RBFOX1: variants seen among roughly 807,000 people sequenced by gnomAD.
The protein encoded by RBFOX1 is RNA binding fox-1 homolog 1, also known as RNA binding protein fox-1 homolog 1.
A neutral mutation model predicts 57.7 loss-of-function variants in RBFOX1; 8 were observed. The observed-to-expected ratio is 0.14, with a 90% confidence interval of 0.08 to 0.25. RBFOX1 has a LOEUF of 0.25. Ranked by LOEUF, RBFOX1 falls within the 10% of genes least tolerant of loss-of-function variation. The probability of loss-of-function intolerance (pLI) is 1.00; values close to 1 mark genes in which losing one functional copy is unlikely to be tolerated. For missense variants in RBFOX1, 611 were observed against 548.5 expected (o/e 1.11, Z -1.14); for synonymous variants, 326 against 222.4 (o/e 1.47, Z -4.15).
intron 3 of RBFOX1, among the ~76,000 whole-genome samples, chr16:6,713,292 G>T (rs1213602598): frequency 6.6e-6 from 1 of 151,666 alleles, no homozygotes; most frequent in African/African-American, 2.4e-5. Context: ...AATAATAACA[G>T]TCCCCCATTG....
chr16:5,453,181 G>T (rs1004128688), intron 1 of RBFOX1, among the ~76,000 whole-genome samples: 3 of 151,986 alleles, frequency 2.0e-5, no homozygotes, highest in African/African-American at 7.3e-5. Flanking sequence ...CTCCTACTGT[G>T]TCCCAGCACT....
chr16:7,137,110 A>G (rs1265021833), intron 4 of RBFOX1, among the ~76,000 whole-genome samples: 2 of 152,226 alleles, frequency 1.3e-5, no homozygotes, highest in Non-Finnish European at 2.9e-5. Flanking sequence ...GAAGTTAGAT[A>G]GTCTAAAATA....
chr16:6,926,814 TTCTG>T (rs1388773005), intron 3 of RBFOX1, among the ~76,000 whole-genome samples: 2 of 152,190 alleles, frequency 1.3e-5, no homozygotes, highest in Non-Finnish European at 2.9e-5. Context: ...GTTTTGATCT[TTCTG>T]TCCCGTGCAG....
At chr16:6,466,783 AG>A (rs1447294638) in intron 2 of RBFOX1, among the ~76,000 whole-genome samples, 1 of 152,198 alleles carries the variant, frequency 6.6e-6, no homozygotes, top group Admixed American at 6.5e-5. Flanking sequence ...ATTAATAGTC[AG>A]AATCTGGTAG....
intron 1 of RBFOX1, among the ~76,000 whole-genome samples, chr16:5,462,693 C>T (rs1032125173): frequency 6.6e-6 from 1 of 152,156 alleles, no homozygotes; most frequent in African/African-American, 2.4e-5. Context: ...GAATTCTACG[C>T]ACCTGTTAGG....
At chr16:5,256,388 A>G (rs578173608) in intron 1 of RBFOX1, among the ~76,000 whole-genome samples, 31 of 152,278 alleles carry the variant, frequency 2.0e-4, no homozygotes, top group African/African-American at 6.7e-4. Flanking sequence ...GACAATGACC[A>G]TGACCTTCAC....
At chr16:7,354,612 A>T (rs1020334108) in intron 4 of RBFOX1, among the ~76,000 whole-genome samples, 3 of 152,196 alleles carry the variant, frequency 2.0e-5, no homozygotes, top group Non-Finnish European at 4.4e-5. Context: ...TTTAAGCACT[A>T]TTACCGTGCC....
chr16:5,722,669 C>T (rs1036293558), intron 3 of RBFOX1, among the ~76,000 whole-genome samples: 3 of 152,288 alleles, frequency 2.0e-5, no homozygotes, highest in Non-Finnish European at 2.9e-5. Context: ...GGTGGTTTCA[C>T]CTTGGTTGAG....
chr16:6,818,074 G>T (rs1218445599), intron 3 of RBFOX1, among the ~76,000 whole-genome samples: 1 of 152,152 alleles, frequency 6.6e-6, no homozygotes, highest in African/African-American at 2.4e-5. Context: ...TATCTTAGAT[G>T]TCATGATGTA....
intron 1 of RBFOX1, among the ~76,000 whole-genome samples, chr16:6,023,279 A>G (rs1341001525): frequency 1.3e-5 from 2 of 151,664 alleles, no homozygotes; most frequent in Non-Finnish European, 2.9e-5. Context: ...ATATATATAT[A>G]TATATATAGA....
intron 2 of RBFOX1, among the ~76,000 whole-genome samples, chr16:6,593,795 CAT>C (rs1383362839): frequency 6.6e-6 from 1 of 152,100 alleles, no homozygotes; most frequent in African/African-American, 2.4e-5. Context: ...GTGGCATTAG[CAT>C]ATGTCAGATT....
intron 4 of RBFOX1, among the ~76,000 whole-genome samples, chr16:7,124,668 G>A (rs917451358): frequency 6.0e-5 from 9 of 149,204 alleles, no homozygotes; most frequent in East Asian, 4.0e-4. Flanking sequence ...ACCTAAAAAC[G>A]TGAACCTCAC....
intron 2 of RBFOX1, among the ~76,000 whole-genome samples, chr16:6,439,582 C>G (rs2094323413): frequency 6.6e-6 from 1 of 152,178 alleles, no homozygotes; most frequent in Admixed American, 6.5e-5. Flanking sequence ...GACTGGAGTT[C>G]AGTGCAATAT....
intron 4 of RBFOX1, 32 bp downstream of exon 4, chr16:7,052,130 A>T (rs1322782254): frequency 1.3e-6 from 2 of 1,585,724 alleles, no homozygotes; most frequent in Admixed American, 1.9e-5. Flanking sequence ...ATGCTTCCTG[A>T]TTCTCATTTT....
intron 11 of RBFOX1, among the ~76,000 whole-genome samples, chr16:7,647,309 T>C (rs2063940178): frequency 6.6e-6 from 1 of 152,178 alleles, no homozygotes; most frequent in South Asian, 2.1e-4. Flanking sequence ...AGAAATTCAT[T>C]TTTAGCTTAT....
chr16:5,958,372 T>A (rs1203333349), intron 4 of RBFOX1, among the ~76,000 whole-genome samples: 3 of 152,234 alleles, frequency 2.0e-5, no homozygotes, highest in Admixed American at 2.0e-4. Context: ...CAGTGTTGTC[T>A]GTGCTCTTGC....
chr16:6,945,275 G>A (rs909744731), intron 3 of RBFOX1, among the ~76,000 whole-genome samples: 5 of 152,050 alleles, frequency 3.3e-5, no homozygotes, highest in African/African-American at 9.7e-5. Context: ...CTCTGTTAGC[G>A]TGTTATGATG....
At chr16:6,661,316 C>G (rs182840405) in intron 3 of RBFOX1, among the ~76,000 whole-genome samples, 2 of 152,150 alleles carry the variant, frequency 1.3e-5, no homozygotes, top group African/African-American at 4.8e-5. Context: ...ATGAAAGGCC[C>G]TCCTGGCAGA....
chr16:7,310,272 G>A (rs60671580), intron 4 of RBFOX1, among the ~76,000 whole-genome samples: 10 of 152,328 alleles, frequency 6.6e-5, no homozygotes, highest in African/African-American at 2.4e-4. Context: ...CATACGATGA[G>A]GAAAGAGCTT....
Sources: gnomAD v4.1 joint callset for allele counts (sites outside exome capture counted in the v4.1 genomes callset) on GRCh38, gnomAD v4.1.1 for gene constraint, MANE v1.5 for transcripts, NCBI Gene and HGNC (gene_info 2026-07-23, HGNC 2026-07-21) for gene names.